IQGAP2: variants seen among roughly 807,000 people sequenced by gnomAD.
The protein encoded by IQGAP2 is IQ motif containing GTPase activating protein 2.
A neutral mutation model predicts 201.3 loss-of-function variants in IQGAP2; 173 were observed. The observed-to-expected ratio is 0.86, with a 90% CI of 0.76 to 0.98. IQGAP2 has a LOEUF of 0.98. IQGAP2 is among the 50% of genes least tolerant of loss of function. The pLI is 0.00. For missense variants in IQGAP2, 1,687 were observed against 1,864.8 expected (o/e 0.90, Z 1.76); for synonymous variants, 675 against 673.9 (o/e 1.00, Z -0.03).
At chr5:76,575,341 A>G (rs531617415) in intron 4 of IQGAP2, among the ~76,000 whole-genome samples, 20 of 152,250 alleles carry the variant, frequency 1.3e-4, no homozygotes, top group Admixed American at 3.9e-4. Context: ...GGCCCATGGG[A>G]CCTCTGGGAA....
intron 1 of IQGAP2, among the ~76,000 whole-genome samples, chr5:76,432,373 C>T (rs1182212415): frequency 6.6e-6 from 1 of 152,284 alleles, no homozygotes; most frequent in East Asian, 1.9e-4. Context: ...GATCCACCCA[C>T]CTCAGCTTCG....
chr5:76,617,867 G>A (rs1749147756), intron 13 of IQGAP2: 1 of 1,614,100 alleles, frequency 6.2e-7, no homozygotes, highest in East Asian at 2.2e-5. Context: ...CTGCATAGCA[G>A]TAGATGATAA....
At chr5:76,656,912 T>A (rs1742792301) in intron 20 of IQGAP2, among the ~76,000 whole-genome samples, 1 of 152,164 alleles carries the variant, frequency 6.6e-6, no homozygotes, top group South Asian at 2.1e-4. Context: ...AAAAAATAAC[T>A]TTTCTAAGTT....
At chr5:76,439,224 A>G (rs2150102229) in intron 1 of IQGAP2, among the ~76,000 whole-genome samples, 1 of 152,320 alleles carries the variant, frequency 6.6e-6, no homozygotes, top group Non-Finnish European at 1.5e-5. Flanking sequence ...GATACTTAAT[A>G]CAATTGTTTC....
At chr5:76,666,927 G>T (rs1444597565) in intron 22 of IQGAP2, among the ~76,000 whole-genome samples, 5 of 152,038 alleles carry the variant, frequency 3.3e-5, no homozygotes, top group Non-Finnish European at 5.9e-5. Context: ...CATGGTTTTT[G>T]TAGAGACAGG....
intron 2 of IQGAP2, among the ~76,000 whole-genome samples, chr5:76,538,437 G>A (rs1273127590): frequency 6.6e-6 from 1 of 152,230 alleles, no homozygotes; most frequent in East Asian, 1.9e-4. Flanking sequence ...GAGGTAGTCT[G>A]AGTCTGCTCC....
chr5:76,482,066 A>G (rs958574144), intron 2 of IQGAP2, among the ~76,000 whole-genome samples: 21 of 152,206 alleles, frequency 1.4e-4, no homozygotes, highest in African/African-American at 4.8e-4. Context: ...CAGAAAGGAG[A>G]AACAGGAAAA....
chr5:76,606,026 G>C (rs1444035238), intron 11 of IQGAP2, among the ~76,000 whole-genome samples, 153 bp from the exon 12 acceptor site: 1 of 152,190 alleles, frequency 6.6e-6, no homozygotes. Context: ...CCTGGTATAT[G>C]TTGACAGAGC....
chr5:76,665,241 A>G, intron 22 of IQGAP2, 66 bp downstream of exon 22: 1 of 1,403,518 alleles, frequency 7.1e-7, no homozygotes, highest in Middle Eastern at 1.8e-4. Flanking sequence ...TGTGGCTTAC[A>G]GGGAGTATTT....
At chr5:76,689,232 A>T (rs1303666157) in intron 30 of IQGAP2, among the ~76,000 whole-genome samples, 1 of 136,324 alleles carries the variant, frequency 7.3e-6, no homozygotes. Flanking sequence ...GGGATATTTA[A>T]AAAAAAAAAA....
chr5:76,699,087 C>G (rs1368854878), intron 33 of IQGAP2, among the ~76,000 whole-genome samples: 2 of 152,142 alleles, frequency 1.3e-5, no homozygotes, highest in African/African-American at 4.8e-5. Context: ...ACTGATTCCT[C>G]CTAAGATTTC....
chr5:76,694,556 A>G lies in IQGAP2; in HGVS notation c.3994-898A>G, dbSNP rs6896015. ...CCTCAACTGTAAAATGGGTATAATAATAGTACCCAGCTCACAGGCAGGATT... is the reference window on the plus strand; with the variant it reads ...CCTCAACTGTAAAATGGGTATAATAGTAGTACCCAGCTCACAGGCAGGATT... On this transcript the variant is annotated intron_variant, in intron 31 of 35. Transcript: ENST00000274364. Among the ~76,000 whole-genome samples, 735 of 152,338 alleles carry G rather than the reference A, an allele frequency of 4.8e-3. 5 individuals are homozygous for G. Among genetic ancestry groups the G allele is most frequent in the African/African-American group, 0.016 (680 of 41,572 alleles).
chr5:76,423,967 A>G (rs1751865217), intron 1 of IQGAP2, among the ~76,000 whole-genome samples: 1 of 152,238 alleles, frequency 6.6e-6, no homozygotes. Context: ...TTTAGCGAAC[A>G]GTTAAATGGA....
intron 13 of IQGAP2, chr5:76,618,182 G>C: frequency 6.2e-7 from 1 of 1,614,168 alleles, no homozygotes; most frequent in Non-Finnish European, 8.5e-7. Context: ...AGTACATGTT[G>C]CCATAGAAGA....
chr5:76,659,114 A>G (rs6896971), intron 21 of IQGAP2, among the ~76,000 whole-genome samples: 68,572 of 151,924 alleles, frequency 0.45, 15,853 homozygotes, highest in Non-Finnish European at 0.51. Context: ...TTGGAATCTA[A>G]GATAAGTTTT....
At chr5:76,550,823 A>C (rs1743417275) in intron 2 of IQGAP2, among the ~76,000 whole-genome samples, 1 of 152,234 alleles carries the variant, frequency 6.6e-6, no homozygotes, top group Admixed American at 6.5e-5. Flanking sequence ...CTATTTGACA[A>C]AACCGCCATC....
At chr5:76,704,076 T>C (rs921928326) in intron 35 of IQGAP2, among the ~76,000 whole-genome samples, 1 of 152,250 alleles carries the variant, frequency 6.6e-6, no homozygotes, top group Admixed American at 6.5e-5. Context: ...TGAAAGCTAT[T>C]ATGTAATTAT....
chr5:76,411,623 A>G (rs1751125740), intron 1 of IQGAP2, among the ~76,000 whole-genome samples: 1 of 152,174 alleles, frequency 6.6e-6, no homozygotes, highest in South Asian at 2.1e-4. Flanking sequence ...TCTTTCACCC[A>G]TGCGATGCCT....
chr5:76,601,846 G>A (rs933472189), intron 11 of IQGAP2, among the ~76,000 whole-genome samples: 1 of 152,188 alleles, frequency 6.6e-6, no homozygotes, highest in African/African-American at 2.4e-5. Context: ...AAAGGTAATG[G>A]AAGGATGGTG....
Sources: gnomAD v4.1 joint callset for allele counts (sites outside exome capture counted in the v4.1 genomes callset) on GRCh38, gnomAD v4.1.1 for gene constraint, MANE v1.5 for transcripts, NCBI Gene and HGNC (gene_info 2026-07-23, HGNC 2026-07-21) for gene names.